Variants in MARCHF4 observed in about 807,000 individuals in gnomAD.
The protein encoded by MARCHF4 is E3 ubiquitin-protein ligase MARCHF4.
Under a neutral mutation model 43.9 loss-of-function variants are expected in MARCHF4, and 14 were observed. That is an observed-to-expected ratio of 0.32 (90% CI 0.21 to 0.50). The LOEUF is 0.50. Ranked by LOEUF, MARCHF4 falls within the 20% of genes least tolerant of loss-of-function variation. The probability of loss-of-function intolerance (pLI) is 0.98; values close to 1 mark genes in which losing one functional copy is unlikely to be tolerated. For missense variants in MARCHF4, 468 were observed against 536.7 expected (o/e 0.87, Z 1.27); for synonymous variants, 226 against 213.3 (o/e 1.06, Z -0.52).
intron 1 of MARCHF4, among the ~76,000 whole-genome samples, chr2:216,300,481 C>T (rs1691477489): frequency 6.6e-6 from 1 of 151,680 alleles, no homozygotes; most frequent in Non-Finnish European, 1.5e-5. Context: ...GTAGCTGGAA[C>T]TACAGATGTG....
At chr2:216,304,244 C>T (rs1360764796) in intron 1 of MARCHF4, among the ~76,000 whole-genome samples, 2 of 152,278 alleles carry the variant, frequency 1.3e-5, no homozygotes, top group East Asian at 3.9e-4. Context: ...AATGAGTTTC[C>T]TTGACATGGG....
At chr2:216,272,391 G>T (rs964847638) in intron 3 of MARCHF4, among the ~76,000 whole-genome samples, 5 of 152,144 alleles carry the variant, frequency 3.3e-5, no homozygotes, top group Non-Finnish European at 4.4e-5. Context: ...AGCAGCTGGG[G>T]CTCACTGAAT....
chr2:216,273,343 A>G (rs1283138734), intron 3 of MARCHF4, among the ~76,000 whole-genome samples: 1 of 152,110 alleles, frequency 6.6e-6, no homozygotes, highest in African/African-American at 2.4e-5. Context: ...AAGTCTAGAG[A>G]CTCATCGCAG....
intron 1 of MARCHF4, among the ~76,000 whole-genome samples, chr2:216,306,493 T>C (rs1275639125): frequency 1.3e-5 from 2 of 152,202 alleles, no homozygotes; most frequent in African/African-American, 4.8e-5. Context: ...CTGAATTTTG[T>C]CAAGACATTA....
chr2:216,329,383 A>AAAACAAAC (rs56726547), intron 1 of MARCHF4, among the ~76,000 whole-genome samples: 37 of 152,148 alleles, frequency 2.4e-4, no homozygotes, highest in African/African-American at 7.5e-4. Context: ...TCAGTCTCAA[A>AAAACAAAC]AAACAAACAA....
intron 1 of MARCHF4, among the ~76,000 whole-genome samples, chr2:216,327,331 T>G (rs1692010707): frequency 6.6e-6 from 1 of 152,078 alleles, no homozygotes; most frequent in South Asian, 2.1e-4. Context: ...ATATAATCTA[T>G]CCATGAAAAA....
chr2:216,327,375 A>G (rs1252315518), intron 1 of MARCHF4, among the ~76,000 whole-genome samples: 4 of 151,496 alleles, frequency 2.6e-5, no homozygotes, highest in South Asian at 2.1e-4. Context: ...TACAGATTCT[A>G]TTTTTTTCCC....
chr2:216,353,608 C>T (rs373034192), intron 1 of MARCHF4, among the ~76,000 whole-genome samples: 9 of 152,110 alleles, frequency 5.9e-5, no homozygotes, highest in Admixed American at 3.3e-4. Context: ...AGTGCAGTGG[C>T]GTGATCTCAG....
At chr2:216,301,799 T>C (rs1691496677) in intron 1 of MARCHF4, among the ~76,000 whole-genome samples, 1 of 152,250 alleles carries the variant, frequency 6.6e-6, no homozygotes, top group African/African-American at 2.4e-5. Flanking sequence ...ACTTAACCTC[T>C]TGGTGCCTTA....
intron 1 of MARCHF4, among the ~76,000 whole-genome samples, chr2:216,343,372 G>A (rs780554767): frequency 5.3e-5 from 8 of 152,254 alleles, no homozygotes; most frequent in East Asian, 1.9e-4. Flanking sequence ...TTACATGGCC[G>A]AGAGAGCTTT....
At chr2:216,348,040 T>TC (rs1384570530) in intron 1 of MARCHF4, among the ~76,000 whole-genome samples, 1 of 148,722 alleles carries the variant, frequency 6.7e-6, no homozygotes, top group Non-Finnish European at 1.5e-5. Context: ...TTCTTTTTTT[T>TC]TTTTTTTTTT....
chr2:216,259,927 C>A (rs1389879347), intron 3 of MARCHF4, among the ~76,000 whole-genome samples: 1 of 152,188 alleles, frequency 6.6e-6, no homozygotes, highest in Non-Finnish European at 1.5e-5. Flanking sequence ...CTACACCACC[C>A]CACCCCCTTC....
At chr2:216,310,269 T>C (rs1472190592) in intron 1 of MARCHF4, among the ~76,000 whole-genome samples, 1 of 152,120 alleles carries the variant, frequency 6.6e-6, no homozygotes, top group Non-Finnish European at 1.5e-5. Flanking sequence ...TTTCTTTTCT[T>C]TTCTTTTTTT....
At chr2:216,284,238 C>T (rs770940900) in intron 1 of MARCHF4, among the ~76,000 whole-genome samples, 1 of 151,240 alleles carries the variant, frequency 6.6e-6, no homozygotes, top group African/African-American at 2.4e-5. Context: ...GGAGGTTGGA[C>T]AAATGCCCTC....
At chr2:216,265,623 T>C (rs1690833523) in intron 3 of MARCHF4, 1 of 152,102 alleles carries the variant, frequency 6.6e-6, no homozygotes, top group African/African-American at 2.4e-5. Context: ...GCCTCCCAAG[T>C]AGCTGGGACT....
intron 1 of MARCHF4, among the ~76,000 whole-genome samples, chr2:216,298,393 G>A (rs1157807743): frequency 2.0e-5 from 3 of 151,216 alleles, no homozygotes; most frequent in Non-Finnish European, 4.4e-5. Context: ...AGCCTCCTGG[G>A]TAGCTGGGAC....
At chr2:216,266,557 T>A (rs761748547) in intron 3 of MARCHF4, among the ~76,000 whole-genome samples, 47 of 152,144 alleles carry the variant, frequency 3.1e-4, no homozygotes, top group Non-Finnish European at 4.7e-4. Flanking sequence ...GACCAAATGA[T>A]TCTCATACTG....
intron 1 of MARCHF4, among the ~76,000 whole-genome samples, chr2:216,315,125 A>C (rs1320107473): frequency 1.3e-5 from 2 of 152,250 alleles, no homozygotes; most frequent in African/African-American, 2.4e-5. Context: ...GAAGGGGAAA[A>C]AGGTCAAGCA....
chr2:216,288,909 G>A (rs1383945565), intron 1 of MARCHF4, among the ~76,000 whole-genome samples: 7 of 151,850 alleles, frequency 4.6e-5, no homozygotes, highest in Admixed American at 4.6e-4. Context: ...AAAGACAAAA[G>A]TTATCCTGCC....
Sources: allele counts gnomAD v4.1 joint callset (sites outside exome capture counted in the v4.1 genomes callset), GRCh38; gene constraint gnomAD v4.1.1; transcripts MANE v1.5; gene names NCBI Gene and HGNC (gene_info 2026-07-23, HGNC 2026-07-21).